TBL1X: variants seen among roughly 807,000 people sequenced by gnomAD.
TBL1X encodes the protein F-box-like/WD repeat-containing protein TBL1X.
Under a neutral mutation model 50.7 loss-of-function variants are expected in TBL1X, and 10 were observed. That is an observed-to-expected ratio of 0.20 (90% CI 0.12 to 0.33). The LOEUF is 0.33. Among genes scored for constraint, TBL1X ranks in the 10% least tolerant of loss-of-function variants. TBL1X has a pLI of 1.00. For synonymous variants in TBL1X, 190 were observed against 214.7 expected (o/e 0.88, Z 1.01); for missense variants, 340 against 504.4 (o/e 0.67, Z 3.12).
At chrX:9,683,312 A>G (rs1007374458) in intron 5 of TBL1X, among the ~76,000 whole-genome samples, 2 of 112,205 alleles carry the variant, frequency 1.8e-5, no homozygotes, top group East Asian at 2.8e-4. Flanking sequence ...GCTTCATTCA[A>G]GAGCCTTCAT....
intron 2 of TBL1X, among the ~76,000 whole-genome samples, chrX:9,596,916 C>T (rs1351881990): frequency 3.6e-5 from 4 of 110,848 alleles, no homozygotes; most frequent in South Asian, 7.7e-4. Context: ...TTCTAGATGC[C>T]GATTTAAAGT....
At chrX:9,467,370 G>A (rs1013642738) in intron 1 of TBL1X, among the ~76,000 whole-genome samples, 2 of 111,944 alleles carry the variant, frequency 1.8e-5, no homozygotes, top group Non-Finnish European at 3.8e-5. Context: ...TCCAGATTCC[G>A]GTGCTCTGCC....
chrX:9,512,582 C>T (rs1192052482), intron 2 of TBL1X, among the ~76,000 whole-genome samples: 1 of 109,890 alleles, frequency 9.1e-6, no homozygotes, highest in Non-Finnish European at 1.9e-5. Context: ...ACTGCAACCT[C>T]CACCTCCCGG....
At chrX:9,590,781 T>A (rs749335519) in intron 2 of TBL1X, among the ~76,000 whole-genome samples, 170 of 111,327 alleles carry the variant, frequency 1.5e-3, no homozygotes, top group Middle Eastern at 4.6e-3. Flanking sequence ...GGTACTATTA[T>A]TGTCAGTTTT....
At chrX:9,658,457 T>C (rs1343522555) in intron 5 of TBL1X, among the ~76,000 whole-genome samples, 1 of 110,546 alleles carries the variant, frequency 9.0e-6, no homozygotes, top group African/African-American at 3.3e-5. Context: ...CCCCAAATGC[T>C]GGGGGAGTCG....
chrX:9,699,796 G>T (rs941342912), intron 12 of TBL1X, among the ~76,000 whole-genome samples: 1 of 111,999 alleles, frequency 8.9e-6, no homozygotes, highest in African/African-American at 3.2e-5. Context: ...GGAGGACGCT[G>T]TTTCTGCTCT....
chrX:9,549,360 C>T (rs182077116), intron 2 of TBL1X, among the ~76,000 whole-genome samples: 1 of 112,165 alleles, frequency 8.9e-6, no homozygotes, highest in East Asian at 2.8e-4. Flanking sequence ...TTTAAATGGC[C>T]AGGGTGAAAA....
intron 2 of TBL1X, among the ~76,000 whole-genome samples, chrX:9,521,063 G>A (rs1382612827): frequency 9.0e-6 from 1 of 111,083 alleles, no homozygotes; most frequent in Admixed American, 9.6e-5. Context: ...GTGCCACTGC[G>A]CACCGGCCTG....
intron 14 of TBL1X, 139 bp downstream of exon 14, chrX:9,709,461 A>T (rs2083230941): frequency 1.5e-5 from 15 of 973,255 alleles, no homozygotes; most frequent in African/African-American, 7.6e-5. Flanking sequence ...GTGAGCTACG[A>T]TTTCTCAGTC....
At chrX:9,634,609 C>T (rs2082736891) in intron 2 of TBL1X, among the ~76,000 whole-genome samples, 1 of 110,565 alleles carries the variant, frequency 9.0e-6, no homozygotes, top group Non-Finnish European at 1.9e-5. Flanking sequence ...ACCTCGGCCT[C>T]CCAAAGTGCT....
Position 9,606,988 on chromosome X carries a change from T to C in TBL1X, c.-130-33285T>C, listed in dbSNP as rs189081521. On this transcript the variant is annotated intron_variant, in intron 2 of 17. Transcript: ENST00000645353. ...TTCTGTGCAAAGTTAGCTTCAAAAA[T>C]TATCAAGAATGTTTTCTCCAAACAT... Among the ~76,000 whole-genome samples the C allele has an allele frequency of 1.9e-3, 214 of 112,504 alleles. 3 individuals are homozygous for C. The highest frequency in any genetic ancestry group is 6.7e-3 in the African/African-American group (207 of 31,002).
chrX:9,553,147 A>C (rs193260215), intron 2 of TBL1X, among the ~76,000 whole-genome samples: 29 of 111,101 alleles, frequency 2.6e-4, no homozygotes, highest in African/African-American at 8.8e-4. Flanking sequence ...TGTCCCAGAA[A>C]AAAAAACAAA....
chrX:9,645,849 C>T (rs1202244278), intron 3 of TBL1X, among the ~76,000 whole-genome samples: 1 of 111,693 alleles, frequency 9.0e-6, no homozygotes, highest in Non-Finnish European at 1.9e-5. Flanking sequence ...CCTTGTTGGC[C>T]CTCTTTTCTG....
At chrX:9,549,493 A>G (rs930713502) in intron 2 of TBL1X, among the ~76,000 whole-genome samples, 20 of 112,417 alleles carry the variant, frequency 1.8e-4, no homozygotes, top group African/African-American at 6.5e-4. Context: ...AAATGTCACT[A>G]CATAATATAC....
At chrX:9,569,000 GTGTGTC>G (rs2082368460) in intron 2 of TBL1X, among the ~76,000 whole-genome samples, 1 of 109,711 alleles carries the variant, frequency 9.1e-6, no homozygotes, top group Non-Finnish European at 1.9e-5. Context: ...TGTGCTGTGT[GTGTGTC>G]TGTGCAGTGT....
At chrX:9,609,024 G>A (rs183039476) in intron 2 of TBL1X, among the ~76,000 whole-genome samples, 70 of 111,823 alleles carry the variant, frequency 6.3e-4, no homozygotes, top group African/African-American at 2.2e-3. Context: ...CTGGGCGGGG[G>A]TTGGTCAGTA....
intron 1 of TBL1X, among the ~76,000 whole-genome samples, chrX:9,486,087 C>T (rs770796014): frequency 9.1e-6 from 1 of 110,139 alleles, no homozygotes; most frequent in Non-Finnish European, 1.9e-5. Flanking sequence ...CATGAACAGC[C>T]GACAGCATTT....
chrX:9,481,175 A>G (rs904913753), intron 1 of TBL1X, among the ~76,000 whole-genome samples: 5 of 111,905 alleles, frequency 4.5e-5, no homozygotes, highest in Non-Finnish European at 5.6e-5. Flanking sequence ...ACATTAAAAT[A>G]GACGAAAAAG....
chrX:9,677,564 C>T lies in TBL1X; in HGVS notation c.212-6479C>T, dbSNP rs141530151. On this transcript the variant is annotated intron_variant, in intron 5 of 17. Transcript: ENST00000645353. ...CACTTCCTATCCAATAAGGGATATC[C>T]CCACCCCTTTACTCCCCGACTACTG... Among the ~76,000 whole-genome samples the T allele has an allele frequency of 3.3e-3, 370 of 110,619 alleles. 1 individual carries two copies. The highest frequency in any genetic ancestry group is 0.012 in the African/African-American group (359 of 30,463).
Sources: gnomAD v4.1 joint callset for allele counts (sites outside exome capture counted in the v4.1 genomes callset) on GRCh38, gnomAD v4.1.1 for gene constraint, MANE v1.5 for transcripts, NCBI Gene and HGNC (gene_info 2026-07-23, HGNC 2026-07-21) for gene names.